Variants in AJAP1 observed in about 807,000 individuals in gnomAD.
AJAP1 encodes the protein adherens junction-associated protein 1.
In AJAP1, 5 loss-of-function variants were observed where a neutral mutation model predicts 35.0. The observed-to-expected ratio is 0.14, with a 90% CI of 0.07 to 0.30. AJAP1 has a LOEUF of 0.30. Ranked by LOEUF, AJAP1 falls within the 10% of genes least tolerant of loss-of-function variation. The pLI, the probability that AJAP1 is intolerant of heterozygous loss-of-function variation, is 1.00. For synonymous variants in AJAP1, 284 were observed against 249.3 expected (o/e 1.14, Z -1.31); for missense variants, 586 against 571.0 (o/e 1.03, Z -0.27).
intron 1 of AJAP1, among the ~76,000 whole-genome samples, chr1:4,665,693 G>A (rs1266940624): frequency 6.6e-6 from 1 of 152,170 alleles, no homozygotes; most frequent in Admixed American, 6.5e-5. Flanking sequence ...ACTGAGGTTT[G>A]TCCTGGGACA....
intron 2 of AJAP1, among the ~76,000 whole-genome samples, chr1:4,753,050 T>A (rs1435256681): frequency 2.0e-5 from 3 of 150,930 alleles, no homozygotes; most frequent in Admixed American, 6.6e-5. Context: ...CCTCTAAAGA[T>A]GCCAACCAGA....
At chr1:4,660,092 C>T (rs544269093) in intron 1 of AJAP1, among the ~76,000 whole-genome samples, 72 of 152,374 alleles carry the variant, frequency 4.7e-4, no homozygotes, top group East Asian at 2.5e-3. Context: ...ACTGCCGGAC[C>T]GGTAACACCA....
rs549227143 is a variant in AJAP1 at position 4,754,093 on chromosome 1, C to T, written c.830-15760C>T. Among the ~76,000 whole-genome samples, 3 of 152,260 alleles carry T rather than the reference C, an allele frequency of 2.0e-5. No individual in the cohort carries two copies. In the South Asian group the frequency reaches 6.2e-4, roughly 32 times the overall value. ...CATTGACCAGCTATAGTCCATGGACCAATCCTGCCTGGTTCCTGCGTTTGT... is the reference window on the plus strand; with the variant it reads ...CATTGACCAGCTATAGTCCATGGACTAATCCTGCCTGGTTCCTGCGTTTGT... On this transcript the variant is annotated intron_variant, in intron 2 of 5. Coordinates refer to ENST00000378191, the MANE Select transcript of AJAP1 (RefSeq NM_018836.4).
intron 1 of AJAP1, among the ~76,000 whole-genome samples, chr1:4,696,346 C>A (rs1223989390): frequency 1.3e-5 from 2 of 152,204 alleles, no homozygotes; most frequent in Non-Finnish European, 2.9e-5. Context: ...CCTCCTGACA[C>A]CTTCTCAGGA....
At chr1:4,721,020 TG>T (rs3834051) in intron 2 of AJAP1, among the ~76,000 whole-genome samples, 2 of 152,220 alleles carry the variant, frequency 1.3e-5, no homozygotes, top group East Asian at 1.9e-4. Flanking sequence ...CCATTTCCTT[TG>T]CAAGGGGCAC....
At chr1:4,715,454 C>T (rs189899708) in intron 2 of AJAP1, among the ~76,000 whole-genome samples, 5 of 152,302 alleles carry the variant, frequency 3.3e-5, no homozygotes, top group African/African-American at 4.8e-5. Context: ...GAGGCTGAGG[C>T]GGATGGATCA....
chr1:4,708,071 G>A (rs938961541), intron 1 of AJAP1, among the ~76,000 whole-genome samples: 2 of 150,642 alleles, frequency 1.3e-5, no homozygotes, highest in African/African-American at 2.4e-5. Context: ...GGGTTCAAGC[G>A]ATTCTCCTGC....
intron 5 of AJAP1, among the ~76,000 whole-genome samples, chr1:4,776,943 A>G (rs1463980177): frequency 6.6e-6 from 1 of 152,216 alleles, no homozygotes; most frequent in Non-Finnish European, 1.5e-5. Flanking sequence ...GCCGACACGA[A>G]GCCACGGCCC....
intron 2 of AJAP1, among the ~76,000 whole-genome samples, chr1:4,738,586 G>C (rs747883430): frequency 2.0e-5 from 3 of 152,156 alleles, no homozygotes; most frequent in Non-Finnish European, 4.4e-5. Flanking sequence ...AGGAGAGGGG[G>C]TGGGAGCCAG....
chr1:4,754,972 G>A (rs1641395716), intron 2 of AJAP1, among the ~76,000 whole-genome samples: 1 of 152,178 alleles, frequency 6.6e-6, no homozygotes, highest in Admixed American at 6.5e-5. Context: ...GATCAGCCCT[G>A]CCTGGGCAGG....
intron 2 of AJAP1, among the ~76,000 whole-genome samples, chr1:4,758,060 TG>T (rs1641474010): frequency 6.6e-6 from 1 of 152,192 alleles, no homozygotes; most frequent in African/African-American, 2.4e-5. Context: ...GCTCTGCACT[TG>T]TCTTTCCTGC....
In AJAP1 at chr1:4,686,140, C is replaced by T. The variant is rs1037811550; in HGVS notation, c.30-25760C>T. On this transcript the variant is annotated intron_variant, in intron 1 of 5. Transcript: ENST00000378191. ...ATAGTTGCTGACAAAATGACGTGGC[C>T]TCATCCTCACGTCTTCCTTGAAGCC... Among the ~76,000 whole-genome samples the T allele has an allele frequency of 7.2e-5, 11 of 152,220 alleles. 1 individual carries two copies. Among genetic ancestry groups the T allele is most frequent in the Non-Finnish European group, 1.5e-4 (10 of 68,044 alleles).
chr1:4,669,427 G>A (rs1402513658), intron 1 of AJAP1, among the ~76,000 whole-genome samples: 2 of 152,192 alleles, frequency 1.3e-5, no homozygotes, highest in African/African-American at 4.8e-5. Flanking sequence ...ATGGCAGAAG[G>A]CAAAGGAGAA....
In AJAP1 at chr1:4,713,209, G is replaced by C. The variant is rs552149374; in HGVS notation, c.829+510G>C. 3.3e-5 allele frequency among the ~76,000 whole-genome samples: 5 copies of C among 152,354 alleles called. No homozygotes were observed. The East Asian group carries it at 7.7e-4, about 24-fold the overall frequency. On this transcript the variant is annotated intron_variant, in intron 2 of 5. Coordinates refer to ENST00000378191, the MANE Select transcript of AJAP1 (RefSeq NM_018836.4). ...TGCCTGCCAACTTGACCTCGGTAGA[G>C]GATTAGGAATGGCCTTAAATAGCAA...
intron 1 of AJAP1, among the ~76,000 whole-genome samples, chr1:4,686,377 G>A (rs61765026): frequency 0.17 from 25,825 of 152,102 alleles, 2,741 homozygotes; most frequent in Middle Eastern, 0.34. Context: ...TTCCTCTGCC[G>A]CACTGCAGCT....
At chr1:4,740,214 A>G (rs936827625) in intron 2 of AJAP1, among the ~76,000 whole-genome samples, 2 of 151,694 alleles carry the variant, frequency 1.3e-5, no homozygotes, top group Non-Finnish European at 2.9e-5. Flanking sequence ...ATATGATACA[A>G]TGTGGCTGAA....
chr1:4,705,901 C>G (rs1411880449), intron 1 of AJAP1, among the ~76,000 whole-genome samples: 3 of 152,142 alleles, frequency 2.0e-5, no homozygotes, highest in African/African-American at 7.2e-5. Context: ...GAAGTCCAAG[C>G]CACGTGTGTA....
chr1:4,753,040 C>T (rs999170030), intron 2 of AJAP1, among the ~76,000 whole-genome samples: 1 of 151,982 alleles, frequency 6.6e-6, no homozygotes, highest in East Asian at 1.9e-4. Flanking sequence ...ACCATCCCTG[C>T]CTCTAAAGAT....
intron 2 of AJAP1, among the ~76,000 whole-genome samples, chr1:4,724,522 C>G (rs1038627906): frequency 6.6e-6 from 1 of 152,168 alleles, no homozygotes; most frequent in Non-Finnish European, 1.5e-5. Context: ...GCCACTTGCA[C>G]TTGCCCAGAG....
Sources: allele counts gnomAD v4.1 joint callset (sites outside exome capture counted in the v4.1 genomes callset), GRCh38; gene constraint gnomAD v4.1.1; transcripts MANE v1.5; gene names NCBI Gene and HGNC (gene_info 2026-07-23, HGNC 2026-07-21).